Variants in PVT1 observed in about 807,000 individuals in gnomAD.
The protein encoded by PVT1 is CXCR4/PVT1 fusion.
chr8:127,868,779 A>AGATATACG, intron 2 of PVT1, among the ~76,000 whole-genome samples: 1 of 117,702 alleles, frequency 8.5e-6, no homozygotes, highest in African/African-American at 3.7e-5. Flanking sequence ...ACATATATAT[A>AGATATACG]TATATATATA....
chr8:128,067,324 G>A, intron 4 of PVT1, among the ~76,000 whole-genome samples: 1 of 152,288 alleles, frequency 6.6e-6, no homozygotes, highest in Non-Finnish European at 1.5e-5. Flanking sequence ...GGGCTAGAGA[G>A]TAGAAGGGGA....
chr8:128,000,944 T>C (rs1428259857), intron 4 of PVT1, among the ~76,000 whole-genome samples: 1 of 152,260 alleles, frequency 6.6e-6, no homozygotes, highest in African/African-American at 2.4e-5. Context: ...GCCTTTTCCA[T>C]GTTCAATACA....
intron 3 of PVT1, chr8:127,947,820 G>C (rs1232568100): frequency 6.6e-6 from 3 of 456,488 alleles, no homozygotes; most frequent in Admixed American, 2.3e-5. Flanking sequence ...GGAATACAAA[G>C]AAAAGCTCAC....
intron 4 of PVT1, among the ~76,000 whole-genome samples, chr8:128,067,273 G>A (rs547334325): frequency 6.6e-6 from 1 of 152,172 alleles, no homozygotes; most frequent in Non-Finnish European, 1.5e-5. Context: ...ACAGGCACTT[G>A]AGAAATAAGT....
chr8:128,071,827 CA>C (rs2130136948), intron 5 of PVT1, among the ~76,000 whole-genome samples: 1 of 152,240 alleles, frequency 6.6e-6, no homozygotes, highest in African/African-American at 2.4e-5. Context: ...TATCTCTTGG[CA>C]GCCCTCTGAG....
intron 3 of PVT1, among the ~76,000 whole-genome samples, chr8:127,899,708 C>T (rs1228358847): frequency 5.9e-5 from 9 of 152,168 alleles, no homozygotes; most frequent in Non-Finnish European, 1.3e-4. Context: ...ACATTCCTTT[C>T]AGGCCAGGCA....
intron 3 of PVT1, among the ~76,000 whole-genome samples, chr8:127,926,962 C>G (rs1178341306): frequency 1.3e-5 from 2 of 152,336 alleles, no homozygotes; most frequent in Admixed American, 6.5e-5. Flanking sequence ...CTGTTCCCCC[C>G]TTCCTTCCCT....
chr8:127,903,725 A>C (rs1001054735), intron 3 of PVT1, among the ~76,000 whole-genome samples: 5 of 152,208 alleles, frequency 3.3e-5, no homozygotes, highest in Non-Finnish European at 7.3e-5. Context: ...GTTGAAGATC[A>C]GATGGTTGTA....
chr8:127,924,380 A>C (rs1816102207), intron 3 of PVT1, among the ~76,000 whole-genome samples: 1 of 152,144 alleles, frequency 6.6e-6, no homozygotes, highest in South Asian at 2.1e-4. Context: ...TCTGTGACCC[A>C]GGCTGGAGTG....
intron 6 of PVT1, chr8:128,099,381 G>A (rs146523404): frequency 6.6e-6 from 1 of 152,366 alleles, no homozygotes; most frequent in East Asian, 1.9e-4. Context: ...GGCCTGAAGA[G>A]GCAGAACACC....
intron 2 of PVT1, among the ~76,000 whole-genome samples, chr8:127,872,938 T>C (rs965034088): frequency 6.6e-6 from 1 of 152,236 alleles, no homozygotes; most frequent in Non-Finnish European, 1.5e-5. Context: ...TAAAGCAAAG[T>C]GACGGGACAG....
intron 2 of PVT1, among the ~76,000 whole-genome samples, chr8:127,874,552 A>G (rs1344567291): frequency 6.6e-6 from 1 of 152,056 alleles, no homozygotes; most frequent in Non-Finnish European, 1.5e-5. Context: ...CCTGTAACAC[A>G]AGTATGAGAC....
chr8:128,087,459 CAAT>C, intron 5 of PVT1, among the ~76,000 whole-genome samples: 1 of 152,304 alleles, frequency 6.6e-6, no homozygotes, highest in Non-Finnish European at 1.5e-5. Context: ...AGGCATCTGG[CAAT>C]AATGTGTCCC....
intron 2 of PVT1, among the ~76,000 whole-genome samples, chr8:127,813,115 T>G: frequency 6.7e-6 from 1 of 148,886 alleles, no homozygotes; most frequent in Non-Finnish European, 1.5e-5. Flanking sequence ...CTGTATTAAT[T>G]CATGTGAATC....
chr8:127,994,618 G>A (rs781031552), intron 4 of PVT1, among the ~76,000 whole-genome samples: 3 of 152,152 alleles, frequency 2.0e-5, no homozygotes, highest in Non-Finnish European at 2.9e-5. Flanking sequence ...TCTATATCTA[G>A]GAGATTTATT....
intron 3 of PVT1, among the ~76,000 whole-genome samples, chr8:127,901,628 T>C (rs994950854): frequency 8.5e-5 from 13 of 152,174 alleles, no homozygotes; most frequent in African/African-American, 3.1e-4. Context: ...CCTAGGCTGG[T>C]CTCAAACTTT....
chr8:127,924,271 T>C (rs570042752), intron 3 of PVT1, among the ~76,000 whole-genome samples: 1 of 152,326 alleles, frequency 6.6e-6, no homozygotes, highest in Admixed American at 6.5e-5. Flanking sequence ...AGCAGCTTTA[T>C]TGAGATATAA....
At chr8:127,960,784 C>T (rs1201412686) in intron 3 of PVT1, 2 of 379,806 alleles carry the variant, frequency 5.3e-6, no homozygotes, top group Admixed American at 3.6e-5. Flanking sequence ...ATTTCCTGGA[C>T]ACTTCAAAAC....
chr8:128,008,041 G>A (rs1353731752), intron 4 of PVT1, among the ~76,000 whole-genome samples: 2 of 152,194 alleles, frequency 1.3e-5, no homozygotes, highest in Non-Finnish European at 2.9e-5. Context: ...TACTAAGATT[G>A]TATCATTTTG....
Sources: gnomAD v4.1 joint callset for allele counts (sites outside exome capture counted in the v4.1 genomes callset) on GRCh38, gnomAD v4.1.1 for gene constraint, MANE v1.5 for transcripts, NCBI Gene and HGNC (gene_info 2026-07-23, HGNC 2026-07-21) for gene names.